The following CFH variants were observed in gnomAD, a reference collection of about 807,000 sequenced individuals.
CFH encodes the protein H factor 1 (complement).
In CFH, 53 loss-of-function variants were observed where a neutral mutation model predicts 147.3. That is an observed-to-expected ratio of 0.36 (90% CI 0.29 to 0.45). The LOEUF is 0.45. Ranked by LOEUF, CFH falls within the 20% of genes least tolerant of loss-of-function variation. The probability of loss-of-function intolerance (pLI) is 1.00; values close to 1 mark genes in which losing one functional copy is unlikely to be tolerated. For missense variants in CFH, 1,380 were observed against 1,498.0 expected (o/e 0.92, Z 1.30); for synonymous variants, 536 against 489.4 (o/e 1.10, Z -1.26).
At chr1:196,673,382 G>T (rs1667348969) in intron 2 of CFH, 12 of 541,598 alleles carry the variant, frequency 2.2e-5, no homozygotes, top group Non-Finnish European at 3.6e-5. Flanking sequence ...CTATCGCCTG[G>T]CTGGAGTGCA....
intron 1 of CFH, among the ~76,000 whole-genome samples, chr1:196,670,284 A>C (rs1422624763): frequency 6.6e-6 from 1 of 151,758 alleles, no homozygotes; most frequent in African/African-American, 2.4e-5. Flanking sequence ...ACTTGGGGGG[A>C]CTGTTGGGAA....
chr1:196,711,952 ACT>A (rs1447399054), intron 9 of CFH, among the ~76,000 whole-genome samples: 2 of 151,366 alleles, frequency 1.3e-5, no homozygotes. Context: ...TTCTTTTCTC[ACT>A]CTGTTTCCTG....
intron 3 of CFH, among the ~76,000 whole-genome samples, chr1:196,675,053 G>T (rs910973045): frequency 3.3e-5 from 5 of 151,990 alleles, no homozygotes; most frequent in African/African-American, 1.2e-4. Flanking sequence ...AACCAAATAG[G>T]TTATAATATC....
intron 9 of CFH, chr1:196,692,330 C>G (rs1573030461): frequency 3.1e-6 from 2 of 639,528 alleles, no homozygotes; most frequent in South Asian, 7.1e-5. Context: ...TTTGTCTCAT[C>G]ATTCAGTGTC....
At chr1:196,714,660 TATATATATAGAGAG>T (rs1372587732) in intron 10 of CFH, among the ~76,000 whole-genome samples, 25 of 43,504 alleles carry the variant, frequency 5.7e-4, no homozygotes, top group African/African-American at 2.0e-3. Flanking sequence ...TATATATATA[TATATATATAGAGAG>T]AGAGAGAGAG....
chr1:196,734,142 C>T (rs1327439443), intron 15 of CFH, among the ~76,000 whole-genome samples: 1 of 151,982 alleles, frequency 6.6e-6, no homozygotes, highest in Non-Finnish European at 1.5e-5. Flanking sequence ...TTTGAGATTC[C>T]TTTTCTAATT....
intron 9 of CFH, among the ~76,000 whole-genome samples, chr1:196,703,260 A>G (rs1009557479): frequency 3.3e-5 from 5 of 152,176 alleles, no homozygotes; most frequent in African/African-American, 9.7e-5. Flanking sequence ...CCAAAGGCCA[A>G]TAAAAACGGA....
chr1:196,667,427 AT>A (rs1298315852), intron 1 of CFH, among the ~76,000 whole-genome samples: 4 of 152,204 alleles, frequency 2.6e-5, no homozygotes, highest in African/African-American at 9.6e-5. Flanking sequence ...TAGCCTTTTT[AT>A]TAATATGAAA....
intron 1 of CFH, among the ~76,000 whole-genome samples, chr1:196,670,832 G>A (rs1347274574): frequency 6.6e-6 from 1 of 152,036 alleles, no homozygotes; most frequent in Non-Finnish European, 1.5e-5. Flanking sequence ...TTTGTGAGCT[G>A]ATTTCTTTCA....
At position 196,673,843 on chromosome 1, in the gene CFH, T is replaced by G; in HGVS notation, c.245-14T>G. 6.4e-7 allele frequency: 1 copy of G among 1,559,858 alleles called. No individual in the cohort carries two copies. Among genetic ancestry groups the G allele is most frequent in the Non-Finnish European group, 8.8e-7 (1 of 1,130,852 alleles). On this transcript the variant is annotated splice_polypyrimidine_tract_variant and intron_variant, in intron 2 of 21. Transcript: ENST00000367429. ...CTATTACATACTAATTCATAACTTT[T>G]TTTTTCGTTTTAGAAAGGCCCTGTG...
At position 196,726,626 on chromosome 1, in the gene CFH, A is replaced by G. The variant is rs934809554; in HGVS notation, c.2030A>G (p.Glu677Gly). The G allele has an allele frequency of 1.2e-6, 2 of 1,611,604 alleles. No individual in the cohort carries two copies. Among genetic ancestry groups the G allele is most frequent in the Admixed American group, 1.7e-5 (1 of 59,966 alleles). The change falls in exon 13 of 22, where the codon GAG becomes GGG. Residue 677 changes from glutamate (E) to glycine (G), a missense_variant. Transcript: ENST00000367429. ...AATAAAATTCAATGTGTTGATGGAG[A>G]GTGGACAACTTTACCAGTGTGTATT... ...GPNKIQCVDGEWTTLPVCIVE... is the reference protein window; with the variant it reads ...GPNKIQCVDGGWTTLPVCIVE...
rs1362306576 is a variant in CFH, at chr1:196,736,927, C to A, written c.2517C>A (p.Cys839Ter). 6.2e-7 allele frequency: 1 copy of A among 1,611,324 alleles called. No individual in the cohort carries two copies. Among genetic ancestry groups the A allele is most frequent in the Non-Finnish European group, 8.5e-7 (1 of 1,178,254 alleles). ...YRDGEKVSVL[C>*]QENYLIQEGE... Reference sequence around the variant, plus strand: ...ATGGAGAAAAAGTATCTGTTCTTTGCCAAGAAAATTATCTAATTCAGGAAG... The same window carrying A: ...ATGGAGAAAAAGTATCTGTTCTTTGACAAGAAAATTATCTAATTCAGGAAG... The change falls in exon 16 of 22, where the codon TGC becomes TGA. Residue 839 changes from cysteine to a stop codon, truncating the protein, a stop_gained. Transcript: ENST00000367429. LOFTEE classifies it high-confidence loss of function.
At chr1:196,678,982 T>G (rs1667553057) in intron 5 of CFH, 1 of 152,276 alleles carries the variant, frequency 6.6e-6, no homozygotes, top group South Asian at 2.1e-4. Flanking sequence ...CAAGTGGAGT[T>G]ACGATGTGTC....
chr1:196,689,572 C>T lies in CFH; in HGVS notation c.1117C>T (p.His373Tyr), dbSNP rs754477357. Residue 373 changes from histidine (H) to tyrosine (Y), a missense_variant, in exon 8 of 22, where the codon CAT becomes TAT. Coordinates refer to ENST00000367429, the MANE Select transcript of CFH (RefSeq NM_000186.4). ...TPSGSYWDHI[H>Y]CTQDGWSPAV... ...GTCAGGAAGTTACTGGGATCACATT[C>T]ATTGCACACAAGATGGATGGTCGCC... The T allele has an allele frequency of 5.0e-6, 8 of 1,613,502 alleles. No homozygotes were observed. The highest frequency in any genetic ancestry group is 3.3e-5 in the Admixed American group (2 of 59,944).
intron 9 of CFH, among the ~76,000 whole-genome samples, chr1:196,698,814 C>T (rs72734328): frequency 2.5e-4 from 38 of 152,090 alleles, no homozygotes; most frequent in Admixed American, 7.9e-4. Flanking sequence ...AACATCAATG[C>T]GAAAATCCTC....
chr1:196,712,226 C>T (rs1397860933), intron 9 of CFH, among the ~76,000 whole-genome samples: 2 of 151,946 alleles, frequency 1.3e-5, no homozygotes, highest in African/African-American at 4.8e-5. Flanking sequence ...CTCTGTTTTA[C>T]TTGATTATTC....
At chr1:196,654,902 C>T (rs1379730107) in intron 1 of CFH, among the ~76,000 whole-genome samples, 3 of 152,024 alleles carry the variant, frequency 2.0e-5, no homozygotes, top group Non-Finnish European at 1.5e-5. Flanking sequence ...AATAAGAATT[C>T]CCCTTTGCTC....
intron 1 of CFH, among the ~76,000 whole-genome samples, chr1:196,654,438 T>C (rs1251834065): frequency 6.6e-6 from 1 of 152,152 alleles, no homozygotes; most frequent in Non-Finnish European, 1.5e-5. Flanking sequence ...ATTGCCTCCT[T>C]GTTTTAACAG....
At chr1:196,699,538 A>G (rs188154309) in intron 9 of CFH, among the ~76,000 whole-genome samples, 6 of 152,266 alleles carry the variant, frequency 3.9e-5, no homozygotes, top group Admixed American at 1.3e-4. Flanking sequence ...TGTAATTTTG[A>G]TGTTATCACA....
Sources: allele counts gnomAD v4.1 joint callset (sites outside exome capture counted in the v4.1 genomes callset), GRCh38; gene constraint gnomAD v4.1.1; transcripts MANE v1.5; gene names NCBI Gene and HGNC (gene_info 2026-07-23, HGNC 2026-07-21).